The following AKNA variants were observed in gnomAD, a reference collection of about 807,000 sequenced individuals.
The protein encoded by AKNA is AT-hook transcription factor.
Under a neutral mutation model 138.8 loss-of-function variants are expected in AKNA, and 67 were observed. That is an observed-to-expected ratio of 0.48 (90% CI 0.40 to 0.59). The LOEUF (loss-of-function observed/expected upper bound fraction) is 0.59. Ranked by LOEUF, AKNA falls within the 20% of genes least tolerant of loss-of-function variation. AKNA has a pLI of 0.00. For synonymous variants in AKNA, 737 were observed against 754.4 expected (o/e 0.98, Z 0.38); for missense variants, 1,813 against 1,880.4 (o/e 0.96, Z 0.66).
At chr9:114,361,991 G>A in intron 8 of AKNA, 80 bp from the exon 9 acceptor site, 1 of 1,442,812 alleles carries the variant, frequency 6.9e-7, no homozygotes, top group Non-Finnish European at 9.5e-7. Context: ...TATCAGAGCA[G>A]AGACTCCAGG....
At chr9:114,332,684 G>T (rs1470872569), downstream of AKNA, among the ~76,000 whole-genome samples, 1 of 152,082 alleles carries the variant, frequency 6.6e-6, no homozygotes, top group Non-Finnish European at 1.5e-5. Flanking sequence ...TTGATCCACA[G>T]CCTGGCACCT....
At position 114,362,450 on chromosome 9, in the gene AKNA, C is replaced by T. The variant is rs751509730; in HGVS notation, c.1872G>A (p.Pro624=). 1.1e-5 allele frequency: 17 copies of T among 1,613,020 alleles called. No individual in the cohort carries two copies. The highest frequency in any genetic ancestry group is 6.7e-5 in the East Asian group (3 of 44,840). ...KACREQHPAQ[P]LAGSKGTPGR... ...CAGGCGTCCCCTTGGAGCCGGCAAG[C>T]GGCTGGGCAGGGTGTTGCTCCCGAC... The change falls in exon 8 of 22, where the codon CCG becomes CCA. Residue 624 remains proline (P), a synonymous_variant. Transcript: ENST00000374088.
At chr9:114,393,507 G>A (rs1023020717) in intron 1 of AKNA, among the ~76,000 whole-genome samples, 2 of 151,820 alleles carry the variant, frequency 1.3e-5, no homozygotes, top group African/African-American at 4.8e-5. Context: ...TTACAGGCGT[G>A]AGCCACCGTG....
At chr9:114,367,843 G>C in intron 5 of AKNA, 146 bp from the exon 6 acceptor site, 1 of 906,736 alleles carries the variant, frequency 1.1e-6, no homozygotes, top group Non-Finnish European at 1.6e-6. Context: ...CCCAGGAAGT[G>C]GGCTGGGTAG....
At chr9:114,373,319 G>A (rs1422795140) in intron 4 of AKNA, among the ~76,000 whole-genome samples, 4 of 152,166 alleles carry the variant, frequency 2.6e-5, no homozygotes, top group African/African-American at 9.7e-5. Flanking sequence ...TTCCCCCTCT[G>A]CTCTCCTCCT....
chr9:114,361,992 A>G, intron 8 of AKNA, 81 bp from the exon 9 acceptor site: 1 of 1,445,298 alleles, frequency 6.9e-7, no homozygotes. Flanking sequence ...ATCAGAGCAG[A>G]GACTCCAGGG....
Position 114,336,787 on chromosome 9 carries a change from G to T in AKNA, c.*267C>A. 1 of 410,044 alleles carries T rather than the reference G, an allele frequency of 2.4e-6. No homozygotes were observed. Among genetic ancestry groups the T allele is most frequent in the Non-Finnish European group, 4.3e-6 (1 of 232,532 alleles). 25.4% of individuals were successfully genotyped at this position (410,044 alleles called of 1,614,324 possible). On this transcript the variant is annotated 3_prime_UTR_variant, in exon 22 of 22. Coordinates refer to ENST00000374088, the MANE Select transcript of AKNA (RefSeq NM_001317950.2). Reference sequence around the variant, plus strand: ...GCAGGACCAGGAGAGACTGCCTGAGGTTCTGCCTGGACCGAAGGAGGCCTC... The same window carrying T: ...GCAGGACCAGGAGAGACTGCCTGAGTTTCTGCCTGGACCGAAGGAGGCCTC...
intron 12 of AKNA, 37 bp downstream of exon 12, chr9:114,357,883 CT>C (rs1200795971): frequency 1.9e-6 from 3 of 1,587,322 alleles, no homozygotes; most frequent in Middle Eastern, 2.0e-4. Context: ...AGGAATGACC[CT>C]GAGGTTCTGG....
chr9:114,368,431 G>A lies in AKNA; in HGVS notation c.1573+8C>T, dbSNP rs765267079. 22 of 1,316,426 alleles carry A rather than the reference G, an allele frequency of 1.7e-5. No homozygotes were observed. Among genetic ancestry groups the A allele is most frequent in the African/African-American group, 6.0e-5 (4 of 66,386 alleles). 81.5% of individuals were successfully genotyped at this position (1,316,426 alleles called of 1,614,324 possible). A position where few individuals can be genotyped will look rare whatever the true frequency, so the allele number is the denominator to read the frequency against. ...AGCCTCCAGCTGCAGCTCTTCTCCC[G>A]GACTCACCTGAGGCCGCAGAGGCCT... On this transcript the variant is annotated splice_region_variant and intron_variant, in intron 5 of 21. Transcript: ENST00000374088.
chr9:114,338,714 C>T (rs1588935129), intron 21 of AKNA, among the ~76,000 whole-genome samples: 1 of 152,300 alleles, frequency 6.6e-6, no homozygotes, highest in Non-Finnish European at 1.5e-5. Flanking sequence ...CTTTGCAAGG[C>T]CTCTGTTTTC....
chr9:114,361,789 G>A lies in AKNA; in HGVS notation c.2039C>T (p.Ala680Val). 1 of 1,613,906 alleles carries A rather than the reference G, an allele frequency of 6.2e-7. No homozygotes were observed. The highest frequency in any genetic ancestry group is 8.5e-7 in the Non-Finnish European group (1 of 1,180,014). ...CGTTGGCTGATGGAGGCAGGGCAGG[G>A]CTGGGGTGCTGTCCAGAGCTGAGTC... ...GSDSALDSTPALPCLHQPTHL... is the reference protein window; with the variant it reads ...GSDSALDSTPVLPCLHQPTHL... Residue 680 changes from alanine (A) to valine (V), a missense_variant, in exon 9 of 22, where the codon GCC (alanine) becomes GTC (valine). Transcript: ENST00000374088.
chr9:114,341,685 A>C lies in AKNA; in HGVS notation c.3915T>G (p.Thr1305=). Residue 1305 remains threonine (T), a synonymous_variant, in exon 21 of 22, where the codon ACT becomes ACG. Transcript: ENST00000374088. ...GCTTGCTCCTCTGCTTGGGGCTGGGAGTTGAAGATGCTTTTCTCCTCGTGG... is the reference window on the plus strand; with the variant it reads ...GCTTGCTCCTCTGCTTGGGGCTGGGCGTTGAAGATGCTTTTCTCCTCGTGG... The part of the protein sequence containing the change: ...KATTRRKASS[T]PSPKQRSKQA... The C allele has an allele frequency of 6.2e-7, 1 of 1,600,102 alleles. No individual in the cohort carries two copies. The highest frequency in any genetic ancestry group is 8.5e-7 in the Non-Finnish European group (1 of 1,174,272).
At chr9:114,385,108 C>T (rs187002079) in intron 1 of AKNA, among the ~76,000 whole-genome samples, 161 of 152,342 alleles carry the variant, frequency 1.1e-3, no homozygotes, top group African/African-American at 3.8e-3. Context: ...CCTGCCTCGG[C>T]CTCCCTATGT....
chr9:114,354,712 CAA>C (rs1214629422), intron 14 of AKNA, among the ~76,000 whole-genome samples: 71 of 66,236 alleles, frequency 1.1e-3, no homozygotes, highest in African/African-American at 2.0e-3. Context: ...GACTCTGTCT[CAA>C]AAAAAAAAAA....
intron 14 of AKNA, among the ~76,000 whole-genome samples, chr9:114,355,322 C>T (rs980646206): frequency 5.3e-5 from 8 of 152,004 alleles, no homozygotes; most frequent in African/African-American, 1.9e-4. Flanking sequence ...ATTACAGGCA[C>T]CTGCCACCAT....
At chr9:114,385,818 G>A (rs920839662) in intron 1 of AKNA, among the ~76,000 whole-genome samples, 6 of 152,208 alleles carry the variant, frequency 3.9e-5, no homozygotes, top group Admixed American at 6.5e-5. Context: ...ACAAACACAC[G>A]TTAGTGCCAA....
upstream of AKNA, among the ~76,000 whole-genome samples, chr9:114,391,587 G>A (rs1362743561): frequency 6.6e-6 from 1 of 152,116 alleles, no homozygotes; most frequent in Non-Finnish European, 1.5e-5. Flanking sequence ...AGTGGCTCAC[G>A]CCTGTAATCC....
intron 12 of AKNA, among the ~76,000 whole-genome samples, chr9:114,357,637 G>A (rs1217639894): frequency 6.6e-6 from 1 of 152,196 alleles, no homozygotes; most frequent in Non-Finnish European, 1.5e-5. Context: ...CTACTCTAAA[G>A]AGCATAGAAC....
chr9:114,373,784 G>A (rs926001542), intron 4 of AKNA, among the ~76,000 whole-genome samples: 2 of 150,880 alleles, frequency 1.3e-5, no homozygotes, highest in African/African-American at 2.4e-5. Context: ...TACCAGGGAG[G>A]CTGAAGCAAG....
Sources: gnomAD v4.1 joint callset for allele counts (sites outside exome capture counted in the v4.1 genomes callset) on GRCh38, gnomAD v4.1.1 for gene constraint, MANE v1.5 for transcripts, NCBI Gene and HGNC (gene_info 2026-07-23, HGNC 2026-07-21) for gene names.